The following FAM13C variants were observed in gnomAD, a reference collection of about 807,000 sequenced individuals.
FAM13C encodes the protein protein FAM13C.
In FAM13C, 37 loss-of-function variants were observed where a neutral mutation model predicts 73.2. That is an observed-to-expected ratio of 0.51 (90% CI 0.39 to 0.67). The LOEUF (loss-of-function observed/expected upper bound fraction) is 0.67, where lower values mean the gene tolerates loss of function less well. Ranked by LOEUF, FAM13C falls within the 30% of genes least tolerant of loss-of-function variation. The pLI, the probability that FAM13C is intolerant of heterozygous loss-of-function variation, is 0.00. For missense variants in FAM13C, 589 were observed against 715.6 expected, an observed-to-expected ratio of 0.82 and a Z score of 2.02; for synonymous variants, 246 against 260.9, an observed-to-expected ratio of 0.94 and a Z score of 0.55.
At chr10:59,267,007 C>T (rs1343413819) in intron 8 of FAM13C, among the ~76,000 whole-genome samples, 1 of 152,138 alleles carries the variant, frequency 6.6e-6, no homozygotes, top group Non-Finnish European at 1.5e-5. Flanking sequence ...CTTAAGAAGT[C>T]GCTACCTAAT....
chr10:59,333,913 T>C (rs187347577), intron 3 of FAM13C, among the ~76,000 whole-genome samples: 1 of 152,302 alleles, frequency 6.6e-6, no homozygotes. Context: ...GAACTAGTCA[T>C]TGAGGATTTT....
chr10:59,324,192 A>T (rs763241604), intron 3 of FAM13C, 86 bp from the exon 4 acceptor site: 2 of 1,075,020 alleles, frequency 1.9e-6, no homozygotes, highest in African/African-American at 1.6e-5. Context: ...GTCTCGGGGC[A>T]GGGAAGCAGC....
intron 2 of FAM13C, among the ~76,000 whole-genome samples, chr10:59,354,992 C>T (rs1245471010): frequency 7.3e-5 from 11 of 150,358 alleles, no homozygotes; most frequent in Admixed American, 7.3e-4. Flanking sequence ...CCTTGGACCT[C>T]ACCAATAATA....
chr10:59,335,302 C>T (rs1017103456), intron 3 of FAM13C, among the ~76,000 whole-genome samples: 1 of 152,188 alleles, frequency 6.6e-6, no homozygotes, highest in African/African-American at 2.4e-5. Flanking sequence ...AAAGGTAACA[C>T]ATGGCAAGTT....
At chr10:59,254,575 T>C in intron 10 of FAM13C, 132 bp from the exon 11 acceptor site, 1 of 359,276 alleles carries the variant, frequency 2.8e-6, no homozygotes, top group Non-Finnish European at 4.8e-6. Flanking sequence ...AAAAGGAAAG[T>C]CATTTATTTA....
At chr10:59,334,845 A>G (rs1213713885) in intron 3 of FAM13C, among the ~76,000 whole-genome samples, 1 of 152,116 alleles carries the variant, frequency 6.6e-6, no homozygotes, top group Non-Finnish European at 1.5e-5. Context: ...TGGCACATGT[A>G]TATATATGTA....
intron 6 of FAM13C, 81 bp downstream of exon 6, chr10:59,283,282 G>A: frequency 6.9e-7 from 1 of 1,446,008 alleles, no homozygotes; most frequent in East Asian, 2.3e-5. Context: ...TCCCTCAGGG[G>A]CTCAGGCTGA....
intron 10 of FAM13C, among the ~76,000 whole-genome samples, chr10:59,257,353 G>A (rs140437797): frequency 1.1e-3 from 162 of 152,284 alleles, no homozygotes; most frequent in Non-Finnish European, 1.9e-3. Flanking sequence ...TTTCTTTCTG[G>A]GTCCTGGTCA....
intron 5 of FAM13C, 41 bp from the exon 6 acceptor site, chr10:59,283,488 G>T (rs1301570683): frequency 6.3e-7 from 1 of 1,595,890 alleles, no homozygotes; most frequent in Non-Finnish European, 8.6e-7. Context: ...AGATTCGAGG[G>T]CTTGCAGCTT....
At chr10:59,322,204 AT>A (rs35494983) in intron 4 of FAM13C, among the ~76,000 whole-genome samples, 58,153 of 152,048 alleles carry the variant, frequency 0.38, 11,252 homozygotes, top group East Asian at 0.47. Context: ...TTTGAGATGG[AT>A]TTTTTTAAAG....
chr10:59,253,647 A>C (rs1841628857), intron 11 of FAM13C: 1 of 152,314 alleles, frequency 6.6e-6, no homozygotes, highest in African/African-American at 2.4e-5. Flanking sequence ...TTATTCACTT[A>C]ATGTCTTTAA....
chr10:59,355,468 G>T (rs1458200602), intron 2 of FAM13C, among the ~76,000 whole-genome samples: 4 of 152,152 alleles, frequency 2.6e-5, no homozygotes, highest in African/African-American at 9.7e-5. Flanking sequence ...AGATGAAAGG[G>T]CTTGGAACAA....
chr10:59,362,560 G>A (rs752888678), upstream of FAM13C: 1 of 1,552,274 alleles, frequency 6.4e-7, no homozygotes, highest in Admixed American at 2.0e-5. Context: ...GGGCTCGCCC[G>A]GCACGCTCGC....
intron 3 of FAM13C, among the ~76,000 whole-genome samples, chr10:59,324,793 C>T (rs950583553): frequency 1.3e-5 from 2 of 152,078 alleles, no homozygotes; most frequent in African/African-American, 2.4e-5. Flanking sequence ...TTGCCATTGG[C>T]CACATTGCAT....
Position 59,342,023 on chromosome 10 carries a change from T to G in FAM13C, c.324+10247A>C, listed in dbSNP as rs1020459866. Among the ~76,000 whole-genome samples the G allele has an allele frequency of 4.6e-5, 7 of 152,312 alleles. 1 individual carries two copies. The South Asian group carries it at 1.5e-3, about 32-fold the overall frequency. On this transcript the variant is annotated intron_variant, in intron 3 of 13. Transcript: ENST00000618804. Reference sequence around the variant, plus strand: ...TACTCAAAACATGGCACCATTGTTCTGTATATTTGTGCCAGGAGCGATGTC... The same window carrying G: ...TACTCAAAACATGGCACCATTGTTCGGTATATTTGTGCCAGGAGCGATGTC...
intron 3 of FAM13C, among the ~76,000 whole-genome samples, chr10:59,345,551 A>T (rs1854188637): frequency 6.6e-6 from 1 of 152,198 alleles, no homozygotes; most frequent in Non-Finnish European, 1.5e-5. Flanking sequence ...CCTCCTAAAA[A>T]TACCATTTTT....
chr10:59,325,784 A>G (rs1374587872), intron 3 of FAM13C, among the ~76,000 whole-genome samples: 1 of 152,142 alleles, frequency 6.6e-6, no homozygotes, highest in Non-Finnish European at 1.5e-5. Flanking sequence ...AATTTTCTTA[A>G]AGCTCAATAT....
At chr10:59,340,997 C>T (rs968408991) in intron 3 of FAM13C, among the ~76,000 whole-genome samples, 1 of 152,028 alleles carries the variant, frequency 6.6e-6, no homozygotes, top group African/African-American at 2.4e-5. Context: ...AGACAGTAAG[C>T]AACAGGGAGG....
intron 3 of FAM13C, among the ~76,000 whole-genome samples, chr10:59,330,994 T>A (rs1028921615): frequency 6.6e-6 from 1 of 152,158 alleles, no homozygotes; most frequent in African/African-American, 2.4e-5. Context: ...AAACTGGTCA[T>A]CTCTGCAGCT....
Sources: allele counts gnomAD v4.1 joint callset (sites outside exome capture counted in the v4.1 genomes callset), GRCh38; gene constraint gnomAD v4.1.1; transcripts MANE v1.5; gene names NCBI Gene and HGNC (gene_info 2026-07-23, HGNC 2026-07-21).